Variants in MARCHF1 observed in about 807,000 individuals in gnomAD.
MARCHF1 encodes E3 ubiquitin-protein ligase MARCHF1.
A neutral mutation model predicts 54.2 loss-of-function variants in MARCHF1; 40 were observed. The ratio of observed to expected loss-of-function variants is 0.74; its 90% CI spans 0.57 to 0.96. The LOEUF (loss-of-function observed/expected upper bound fraction) is 0.96. Among genes scored for constraint, MARCHF1 ranks in the 40% least tolerant of loss-of-function variants. The pLI is 0.00. For missense variants in MARCHF1, 586 were observed against 656.5 expected, an observed-to-expected ratio of 0.89 and a Z score of 1.17; for synonymous variants, 236 against 236.3, an observed-to-expected ratio of 1.00 and a Z score of 0.01.
chr4:164,131,552 T>C, intron 1 of MARCHF1, among the ~76,000 whole-genome samples: 1 of 152,152 alleles, frequency 6.6e-6, no homozygotes, highest in East Asian at 1.9e-4. Context: ...ATTAATATCA[T>C]ATTTAGGTAA....
chr4:164,088,454 A>T (rs1422626158), intron 2 of MARCHF1, among the ~76,000 whole-genome samples: 2 of 152,126 alleles, frequency 1.3e-5, no homozygotes, highest in African/African-American at 4.8e-5. Context: ...TATAAATCCA[A>T]TGGCCAGGTG....
At chr4:163,997,474 A>C (rs1166422900) in intron 2 of MARCHF1, among the ~76,000 whole-genome samples, 1 of 152,036 alleles carries the variant, frequency 6.6e-6, no homozygotes, top group East Asian at 1.9e-4. Flanking sequence ...GTAGTACCAA[A>C]CTTTAATGTT....
At chr4:163,573,323 TTATTA>T (rs1234286622) in intron 8 of MARCHF1, among the ~76,000 whole-genome samples, 4 of 148,726 alleles carry the variant, frequency 2.7e-5, no homozygotes, top group Non-Finnish European at 5.9e-5. Flanking sequence ...ATTATTATTA[TTATTA>T]TACTTTAAGT....
rs34885496 is a variant in MARCHF1 at position 163,590,057 on chromosome 4, G to GGTGTGTGTGTGT, written c.1011-4140_1011-4129dup. On this transcript the variant is annotated intron_variant, in intron 7 of 9. Transcript: ENST00000514618. ...TGCAGCAAATTAAATTTTAGATTTT[G>GGTGTGTGTGTGT]GTGTGTGTGTGTGTGTGTGTGTGTG... 2.3e-3 allele frequency among the ~76,000 whole-genome samples: 341 copies of GGTGTGTGTGTGT among 146,236 alleles called. 1 individual carries two copies. The highest frequency in any genetic ancestry group is 8.1e-3 in the African/African-American group (321 of 39,778).
chr4:163,996,403 A>G (rs941756818), intron 2 of MARCHF1, among the ~76,000 whole-genome samples: 9 of 152,158 alleles, frequency 5.9e-5, no homozygotes, highest in East Asian at 5.8e-4. Flanking sequence ...TGAATATGCT[A>G]TATTCCTAAA....
At chr4:163,864,274 A>T (rs2111198923) in intron 3 of MARCHF1, among the ~76,000 whole-genome samples, 1 of 152,076 alleles carries the variant, frequency 6.6e-6, no homozygotes, top group South Asian at 2.1e-4. Flanking sequence ...ATGGTACTTT[A>T]CCTGAACGAT....
At chr4:164,306,319 T>C (rs1320851099) in intron 1 of MARCHF1, among the ~76,000 whole-genome samples, 1 of 152,162 alleles carries the variant, frequency 6.6e-6, no homozygotes, top group Non-Finnish European at 1.5e-5. Context: ...ATTAGAATTA[T>C]ATAATTCTAT....
chr4:164,257,471 CT>C (rs566953261), intron 1 of MARCHF1, among the ~76,000 whole-genome samples: 30 of 139,474 alleles, frequency 2.2e-4, no homozygotes, highest in African/African-American at 5.5e-4. Context: ...TTGTTTCATT[CT>C]TTTTTTCTAA....
intron 1 of MARCHF1, among the ~76,000 whole-genome samples, chr4:164,121,933 C>T (rs1373489547): frequency 6.6e-6 from 1 of 151,790 alleles, no homozygotes; most frequent in Non-Finnish European, 1.5e-5. Context: ...AATATTGATG[C>T]AAAAATCATT....
At chr4:163,758,077 G>A (rs1746729882) in intron 4 of MARCHF1, among the ~76,000 whole-genome samples, 1 of 152,124 alleles carries the variant, frequency 6.6e-6, no homozygotes, top group East Asian at 1.9e-4. Context: ...TTTTAATCCA[G>A]TAGTTTCCTT....
intron 7 of MARCHF1, among the ~76,000 whole-genome samples, chr4:163,591,244 T>A (rs1468421281): frequency 6.6e-6 from 1 of 152,014 alleles, no homozygotes; most frequent in African/African-American, 2.4e-5. Flanking sequence ...AAAGTCTGTC[T>A]TTGAGAATTT....
intron 3 of MARCHF1, among the ~76,000 whole-genome samples, chr4:163,917,157 A>G (rs1751327556): frequency 6.6e-6 from 1 of 152,170 alleles, no homozygotes; most frequent in Admixed American, 6.6e-5. Context: ...GAGTTCTTCC[A>G]TGACTTTTCA....
chr4:163,724,284 C>A (rs1191983600), intron 4 of MARCHF1, among the ~76,000 whole-genome samples: 1 of 152,200 alleles, frequency 6.6e-6, no homozygotes, highest in African/African-American at 2.4e-5. Context: ...CCACTCTAGA[C>A]CCTGTTTGCC....
At chr4:164,363,303 G>C (rs1443046748) in intron 1 of MARCHF1, among the ~76,000 whole-genome samples, 2 of 152,096 alleles carry the variant, frequency 1.3e-5, no homozygotes, top group African/African-American at 4.8e-5. Flanking sequence ...ATATTTAACA[G>C]TTTAAACAAA....
intron 2 of MARCHF1, among the ~76,000 whole-genome samples, chr4:164,090,260 C>T (rs1231426796): frequency 6.6e-6 from 1 of 151,930 alleles, no homozygotes; most frequent in East Asian, 1.9e-4. Context: ...CAAGAACTCT[C>T]AAGTGATATT....
At chr4:163,932,479 A>C (rs1196194246) in intron 3 of MARCHF1, 3 of 363,532 alleles carry the variant, frequency 8.3e-6, no homozygotes, top group African/African-American at 6.3e-5. Flanking sequence ...CATGTTCACC[A>C]GGAGCAAATT....
At chr4:163,646,845 A>C (rs1008863966) in intron 5 of MARCHF1, among the ~76,000 whole-genome samples, 1 of 152,136 alleles carries the variant, frequency 6.6e-6, no homozygotes, top group Non-Finnish European at 1.5e-5. Context: ...AGAGGAAGAA[A>C]AGAACAAAAG....
At chr4:164,312,587 G>T (rs184693418) in intron 1 of MARCHF1, among the ~76,000 whole-genome samples, 3 of 151,970 alleles carry the variant, frequency 2.0e-5, no homozygotes, top group African/African-American at 7.3e-5. Flanking sequence ...CTCCGAAAGT[G>T]CTGGGATTAC....
chr4:164,189,644 T>C (rs1731070682), intron 1 of MARCHF1: 1 of 924,108 alleles, frequency 1.1e-6, no homozygotes, highest in African/African-American at 1.6e-5. Context: ...CCCCTTACAT[T>C]TGGTATTGAA....
Sources: gnomAD v4.1 joint callset for allele counts (sites outside exome capture counted in the v4.1 genomes callset) on GRCh38, gnomAD v4.1.1 for gene constraint, MANE v1.5 for transcripts, NCBI Gene and HGNC (gene_info 2026-07-23, HGNC 2026-07-21) for gene names.